The following IMPG1 variants were observed in gnomAD, a reference collection of about 807,000 sequenced individuals.
IMPG1 encodes the protein interphotoreceptor matrix proteoglycan of 150 kDa.
Under a neutral mutation model 92.0 loss-of-function variants are expected in IMPG1, and 85 were observed. The ratio of observed to expected loss-of-function variants is 0.92; its 90% CI spans 0.78 to 1.11. The LOEUF (loss-of-function observed/expected upper bound fraction) is 1.11. Among genes scored for constraint, IMPG1 ranks in the 50% least tolerant of loss-of-function variants. The probability of loss-of-function intolerance (pLI) is 0.00; values close to 1 mark genes in which losing one functional copy is unlikely to be tolerated. For synonymous variants in IMPG1, 367 were observed against 334.1 expected (o/e 1.10, Z -1.08); for missense variants, 1,022 against 956.0 (o/e 1.07, Z -0.91).
intron 8 of IMPG1, 36 bp from the exon 9 acceptor site, chr6:76,007,536 G>A: frequency 6.7e-7 from 1 of 1,500,630 alleles, no homozygotes; most frequent in Admixed American, 2.0e-5. Context: ...ACATGAAAAA[G>A]AGAAAAAAAT....
intron 2 of IMPG1, among the ~76,000 whole-genome samples, chr6:76,037,957 T>C (rs191759179): frequency 2.6e-5 from 4 of 152,350 alleles, no homozygotes; most frequent in Admixed American, 6.5e-5. Context: ...TTCATTCCAA[T>C]TTAAGTCTTG....
chr6:75,974,368 TTTCTTTCTTTCTTTCTTTC>T (rs1269972146), intron 12 of IMPG1, among the ~76,000 whole-genome samples: 3 of 111,224 alleles, frequency 2.7e-5, no homozygotes, highest in African/African-American at 9.5e-5. Context: ...TCTTTCTTTC[TTTCTTTCTTTCTTTCTTTC>T]TTTCTTTTCT....
At chr6:76,038,142 A>G (rs1287341775) in intron 2 of IMPG1, among the ~76,000 whole-genome samples, 1 of 152,154 alleles carries the variant, frequency 6.6e-6, no homozygotes, top group Non-Finnish European at 1.5e-5. Context: ...TCCCTGTCAT[A>G]TGGCTGCGGG....
intron 1 of IMPG1, among the ~76,000 whole-genome samples, chr6:76,043,199 A>C (rs1783874178): frequency 6.6e-6 from 1 of 151,944 alleles, no homozygotes; most frequent in African/African-American, 2.4e-5. Flanking sequence ...TATCCATTCT[A>C]CCATTAAAAA....
chr6:76,042,821 A>G (rs1783869060), intron 1 of IMPG1, among the ~76,000 whole-genome samples: 1 of 152,176 alleles, frequency 6.6e-6, no homozygotes, highest in Admixed American at 6.5e-5. Flanking sequence ...CATGGCTGGT[A>G]TCTATTAGGG....
At chr6:75,978,230 T>C (rs1782571058) in intron 12 of IMPG1, among the ~76,000 whole-genome samples, 1 of 152,232 alleles carries the variant, frequency 6.6e-6, no homozygotes, top group Non-Finnish European at 1.5e-5. Context: ...TGGCTTTTTG[T>C]CTTGGTTCTC....
chr6:75,951,640 T>C (rs558696877), intron 12 of IMPG1, among the ~76,000 whole-genome samples: 1 of 152,360 alleles, frequency 6.6e-6, no homozygotes, highest in Admixed American at 6.5e-5. Flanking sequence ...CACTTGAAAT[T>C]TAAATTATGC....
intron 15 of IMPG1, among the ~76,000 whole-genome samples, chr6:75,924,929 T>C (rs922635389): frequency 2.7e-5 from 4 of 149,710 alleles, no homozygotes; most frequent in African/African-American, 7.4e-5. Context: ...GCTGATCTTA[T>C]AGAAATACAA....
At chr6:76,050,823 A>T (rs1363379720) in intron 1 of IMPG1, among the ~76,000 whole-genome samples, 1 of 152,192 alleles carries the variant, frequency 6.6e-6, no homozygotes, top group Non-Finnish European at 1.5e-5. Context: ...TTGTAGGCAT[A>T]CAGAGGCTTA....
At chr6:76,053,614 C>T (rs987705194) in intron 1 of IMPG1, among the ~76,000 whole-genome samples, 8 of 152,102 alleles carry the variant, frequency 5.3e-5, no homozygotes, top group African/African-American at 9.7e-5. Context: ...TGCTGAAACA[C>T]AAGGTATCTT....
At chr6:75,924,703 TA>T (rs374992751) in intron 15 of IMPG1, among the ~76,000 whole-genome samples, 1,821 of 4,286 alleles carry the variant, frequency 0.42, 778 homozygotes, top group Middle Eastern at 0.67. Flanking sequence ...AATAATTATA[TA>T]TAATATATAA....
intron 8 of IMPG1, among the ~76,000 whole-genome samples, chr6:76,007,757 T>C (rs540866866): frequency 6.6e-6 from 1 of 152,238 alleles, no homozygotes; most frequent in Non-Finnish European, 1.5e-5. Flanking sequence ...AGTTCAAAGA[T>C]TATCTGCACT....
intron 12 of IMPG1, among the ~76,000 whole-genome samples, chr6:75,969,201 G>T (rs1483399700): frequency 6.6e-6 from 1 of 152,102 alleles, no homozygotes; most frequent in African/African-American, 2.4e-5. Flanking sequence ...TAAAATTTCA[G>T]TTAGATAGGA....
At chr6:75,948,836 G>C (rs1222191250) in intron 13 of IMPG1, among the ~76,000 whole-genome samples, 4 of 152,104 alleles carry the variant, frequency 2.6e-5, no homozygotes, top group Non-Finnish European at 5.9e-5. Flanking sequence ...GGGCAACTTT[G>C]GTGTCTTTTG....
At chr6:76,003,691 A>T (rs944516541) in intron 11 of IMPG1, among the ~76,000 whole-genome samples, 183 bp downstream of exon 11, 6 of 152,218 alleles carry the variant, frequency 3.9e-5, no homozygotes, top group Non-Finnish European at 7.3e-5. Context: ...AAGTTGTATT[A>T]TATTTTATTA....
chr6:76,058,018 T>C (rs1467780824), intron 1 of IMPG1, among the ~76,000 whole-genome samples: 2 of 152,102 alleles, frequency 1.3e-5, no homozygotes, highest in Non-Finnish European at 2.9e-5. Context: ...AGGGTTGTGG[T>C]TTTTTTCATT....
At chr6:76,034,543 A>C in intron 3 of IMPG1, 78 bp downstream of exon 3, 4 of 1,480,024 alleles carry the variant, frequency 2.7e-6, no homozygotes, top group Non-Finnish European at 3.7e-6. Flanking sequence ...TGTGGAAACC[A>C]ATTCAAAAGG....
At chr6:75,944,203 TATTCC>T (rs1781883044) in intron 14 of IMPG1, among the ~76,000 whole-genome samples, 1 of 152,182 alleles carries the variant, frequency 6.6e-6, no homozygotes, top group Non-Finnish European at 1.5e-5. Flanking sequence ...AGTCAGTGAC[TATTCC>T]CTGTGCCCCC....
chr6:75,930,265 T>G (rs1217390554), intron 15 of IMPG1, among the ~76,000 whole-genome samples: 1 of 152,104 alleles, frequency 6.6e-6, no homozygotes, highest in Non-Finnish European at 1.5e-5. Context: ...TCACTAAAAA[T>G]GATGCTACAA....
Sources: allele counts gnomAD v4.1 joint callset (sites outside exome capture counted in the v4.1 genomes callset), GRCh38; gene constraint gnomAD v4.1.1; transcripts MANE v1.5; gene names NCBI Gene and HGNC (gene_info 2026-07-23, HGNC 2026-07-21).